Variants in HS6ST3 observed in about 807,000 individuals in gnomAD.
HS6ST3 encodes heparan sulfate 6-O-sulfotransferase 3, also known as heparan-sulfate 6-O-sulfotransferase 3.
Under a neutral mutation model 36.7 loss-of-function variants are expected in HS6ST3, and 12 were observed. The observed-to-expected ratio is 0.33, with a 90% CI of 0.21 to 0.53. HS6ST3 has a LOEUF of 0.53. Ranked by LOEUF, HS6ST3 falls within the 20% of genes least tolerant of loss-of-function variation. The probability of loss-of-function intolerance (pLI) is 0.95; values close to 1 mark genes in which losing one functional copy is unlikely to be tolerated. For missense variants in HS6ST3, 584 were observed against 640.9 expected (o/e 0.91, Z 0.96); for synonymous variants, 240 against 257.5 (o/e 0.93, Z 0.65).
At chr13:96,546,320 GTGTGTGTGTGTTCACACT>G (rs1025867119) in intron 1 of HS6ST3, among the ~76,000 whole-genome samples, 29 of 149,404 alleles carry the variant, frequency 1.9e-4, no homozygotes, top group African/African-American at 7.5e-4. Flanking sequence ...GGGCGTGTGT[GTGTGTGTGTGTTCACACT>G]TGTGTGTGAA....
At chr13:96,259,666 A>G (rs1772505128) in intron 1 of HS6ST3, among the ~76,000 whole-genome samples, 1 of 152,106 alleles carries the variant, frequency 6.6e-6, no homozygotes, top group Non-Finnish European at 1.5e-5. Flanking sequence ...CATCTTTTAA[A>G]TTTTTCTTTG....
intron 1 of HS6ST3, among the ~76,000 whole-genome samples, chr13:96,227,121 A>G (rs1263449344): frequency 6.6e-6 from 1 of 152,174 alleles, no homozygotes; most frequent in Non-Finnish European, 1.5e-5. Flanking sequence ...ATGATCCCAT[A>G]TTTTGCACGT....
Position 96,205,906 on chromosome 13 carries a change from G to A in HS6ST3, c.707+114337G>A, listed in dbSNP as rs188081102. Among the ~76,000 whole-genome samples, 226 of 152,258 alleles carry A rather than the reference G, an allele frequency of 1.5e-3. 1 individual carries two copies. Among genetic ancestry groups the A allele is most frequent in the Non-Finnish European group, 2.7e-3 (184 of 68,014 alleles). ...GCATTCCCCTTGAAAACTGGCAAAA[G>A]ACAGGGATACCCTCTCTCACCAGTC... is the stretch of plus-strand genomic sequence containing the variant. On this transcript the variant is annotated intron_variant, in intron 1 of 1. Transcript: ENST00000376705.
At chr13:96,741,105 A>G (rs1876427570) in intron 1 of HS6ST3, among the ~76,000 whole-genome samples, 1 of 152,178 alleles carries the variant, frequency 6.6e-6, no homozygotes, top group Admixed American at 6.5e-5. Flanking sequence ...AAAACAATTT[A>G]CTGCCACCAG....
intron 1 of HS6ST3, among the ~76,000 whole-genome samples, chr13:96,678,027 A>G (rs2056705252): frequency 1.3e-5 from 2 of 152,072 alleles, no homozygotes; most frequent in Admixed American, 6.6e-5. Flanking sequence ...TTGACTCATG[A>G]TTCTAGAGGC....
intron 1 of HS6ST3, among the ~76,000 whole-genome samples, chr13:96,461,337 G>T (rs935167762): frequency 6.6e-6 from 1 of 152,064 alleles, no homozygotes; most frequent in Non-Finnish European, 1.5e-5. Flanking sequence ...ATTATAAGAA[G>T]AACAACAACA....
intron 1 of HS6ST3, among the ~76,000 whole-genome samples, chr13:96,291,228 GC>G (rs2054828270): frequency 6.6e-6 from 1 of 152,046 alleles, no homozygotes; most frequent in Non-Finnish European, 1.5e-5. Flanking sequence ...AATCCTTAGG[GC>G]CTCATATAGT....
chr13:96,179,418 C>G (rs114700730), intron 1 of HS6ST3, among the ~76,000 whole-genome samples: 1,641 of 152,300 alleles, frequency 0.011, 34 homozygotes, highest in African/African-American at 0.038. Context: ...TCTGATAATG[C>G]CATCTTTTCA....
chr13:96,362,017 C>T (rs932715306), intron 1 of HS6ST3, among the ~76,000 whole-genome samples: 1 of 152,146 alleles, frequency 6.6e-6, no homozygotes, highest in East Asian at 1.9e-4. Context: ...AACAAGCCCT[C>T]CCCGTGATCC....
At chr13:96,799,420 G>C (rs995664765) in intron 1 of HS6ST3, among the ~76,000 whole-genome samples, 4 of 152,042 alleles carry the variant, frequency 2.6e-5, no homozygotes, top group African/African-American at 9.7e-5. Context: ...AGAAAATGTG[G>C]CACACATACA....
At chr13:96,123,781 C>T (rs2053937731) in intron 1 of HS6ST3, among the ~76,000 whole-genome samples, 1 of 152,082 alleles carries the variant, frequency 6.6e-6, no homozygotes. Context: ...AAACCTTTTC[C>T]AGCTACGATT....
chr13:96,221,287 G>T (rs962198771), intron 1 of HS6ST3, among the ~76,000 whole-genome samples: 11 of 152,118 alleles, frequency 7.2e-5, no homozygotes, highest in African/African-American at 2.7e-4. Flanking sequence ...CAAATTATTG[G>T]TCAAGGAAAA....
chr13:96,574,564 T>C (rs2056313900), intron 1 of HS6ST3: 1 of 281,230 alleles, frequency 3.6e-6, no homozygotes. Flanking sequence ...GTGACATCAC[T>C]GGAGCAGGTG....
At chr13:96,801,374 C>CTT (rs2138528410) in intron 1 of HS6ST3, among the ~76,000 whole-genome samples, 1 of 152,162 alleles carries the variant, frequency 6.6e-6, no homozygotes, top group Admixed American at 6.6e-5. Context: ...TTTAAAAAGG[C>CTT]TTTAAGTCCT....
intron 1 of HS6ST3, among the ~76,000 whole-genome samples, chr13:96,634,721 C>A (rs1303065578): frequency 6.6e-6 from 1 of 152,172 alleles, no homozygotes; most frequent in African/African-American, 2.4e-5. Flanking sequence ...ACATGTATGT[C>A]TCTGAAATAT....
chr13:96,219,276 T>G (rs1045155074), intron 1 of HS6ST3, among the ~76,000 whole-genome samples: 2 of 152,240 alleles, frequency 1.3e-5, no homozygotes, highest in African/African-American at 4.8e-5. Context: ...GGGGAATTGC[T>G]ATATCGAGCT....
intron 1 of HS6ST3, among the ~76,000 whole-genome samples, chr13:96,351,335 T>TTTTTTTTTTTTTTTTAAAAA (rs1203595829): frequency 2.7e-5 from 4 of 146,366 alleles, no homozygotes; most frequent in African/African-American, 1.0e-4. Context: ...TTTTTTTTTT[T>TTTTTTTTTTTTTTTTAAAAA]AAAAAAAACA....
At chr13:96,207,822 G>A (rs9590371) in intron 1 of HS6ST3, among the ~76,000 whole-genome samples, 59,303 of 151,956 alleles carry the variant, frequency 0.39, 12,043 homozygotes, top group Non-Finnish European at 0.46. Flanking sequence ...ACACACTAGG[G>A]CCTGTAAGTT....
intron 1 of HS6ST3, among the ~76,000 whole-genome samples, chr13:96,163,431 G>A (rs188096450): frequency 2.6e-5 from 4 of 151,584 alleles, no homozygotes; most frequent in East Asian, 1.9e-4. Flanking sequence ...GGGTTTCACC[G>A]TATTAGCTAG....
Sources: gnomAD v4.1 joint callset for allele counts (sites outside exome capture counted in the v4.1 genomes callset) on GRCh38, gnomAD v4.1.1 for gene constraint, MANE v1.5 for transcripts, NCBI Gene and HGNC (gene_info 2026-07-23, HGNC 2026-07-21) for gene names.